The following ZNF765 variants were observed in gnomAD, a reference collection of about 807,000 sequenced individuals.
The protein encoded by ZNF765 is zinc finger protein 765.
In ZNF765, 37 loss-of-function variants were observed where a neutral mutation model predicts 44.7. The ratio of observed to expected loss-of-function variants is 0.83; its 90% confidence interval spans 0.64 to 1.09. The LOEUF is 1.09. Among genes scored for constraint, ZNF765 ranks in the 50% least tolerant of loss-of-function variants. The probability of loss-of-function intolerance (pLI) is 0.00; values close to 1 mark genes in which losing one functional copy is unlikely to be tolerated. For missense variants in ZNF765, 594 were observed against 626.1 expected (o/e 0.95, Z 0.55); for synonymous variants, 201 against 213.7 (o/e 0.94, Z 0.52).
At chr19:53,404,260 G>C (rs2085755205) in intron 3 of ZNF765, among the ~76,000 whole-genome samples, 1 of 151,968 alleles carries the variant, frequency 6.6e-6, no homozygotes, top group Non-Finnish European at 1.5e-5. Context: ...TATTTTAGTA[G>C]ACACAGGCTT....
At position 53,408,720 on chromosome 19, in the gene ZNF765, A is replaced by C. The variant is rs10425136; in HGVS notation, c.1165A>C (p.Ser389Arg). ...GAAACCTTACAAGTGTAATGAGTGT[A>C]GCAAGACCTTTAGTCACAAGTCATC... ...GEKPYKCNEC[S>R]KTFSHKSSLT... Residue 389 changes from serine to arginine, a missense_variant, in exon 4 of 4, where the codon AGC becomes CGC. Ser to Arg is a moderately radical substitution (Grantham distance 110). Transcript: ENST00000396408. 2 of 1,613,196 alleles carry C rather than the reference A, an allele frequency of 1.2e-6. No individual in the cohort carries two copies. The highest frequency in any genetic ancestry group is 8.5e-7 in the Non-Finnish European group (1 of 1,179,694).
At chr19:53,401,804 A>G in intron 2 of ZNF765, 1 of 817,644 alleles carries the variant, frequency 1.2e-6, no homozygotes, top group Non-Finnish European at 1.9e-6. Flanking sequence ...TGATCCTGGG[A>G]CTTGGAGGTT....
chr19:53,414,259 CT>C (rs2085856336), downstream of ZNF765, among the ~76,000 whole-genome samples: 1 of 60,132 alleles, frequency 1.7e-5, no homozygotes. Flanking sequence ...AAAAAAGAAA[CT>C]TGCAGCAAAC....
intron 3 of ZNF765, among the ~76,000 whole-genome samples, chr19:53,407,177 T>G (rs563038369): frequency 7.2e-5 from 11 of 152,276 alleles, no homozygotes; most frequent in African/African-American, 2.6e-4. Context: ...TAAAAAAGAT[T>G]AAAAATTACA....
Position 53,409,856 on chromosome 19 carries a change from G to A in ZNF765, c.*729G>A. 1.5e-6 allele frequency: 1 copy of A among 668,162 alleles called. No individual in the cohort carries two copies. The highest frequency in any genetic ancestry group is 2.9e-6 in the Non-Finnish European group (1 of 349,538). The allele number at this position is 668,162 out of a possible 1,614,324, so 41.4% of individuals were successfully genotyped here. Reference sequence around the variant, plus strand: ...GCACCATCGTAGACTTCATACTGGAGAGGTACCTTACAAGGATAATGAGTG... The same window carrying A: ...GCACCATCGTAGACTTCATACTGGAAAGGTACCTTACAAGGATAATGAGTG... On this transcript the variant is annotated 3_prime_UTR_variant, in exon 4 of 4. Transcript: ENST00000396408.
intron 3 of ZNF765, among the ~76,000 whole-genome samples, chr19:53,402,861 T>G (rs1479111327): frequency 1.3e-5 from 2 of 152,134 alleles, no homozygotes; most frequent in Non-Finnish European, 2.9e-5. Flanking sequence ...TACCTAATTA[T>G]TGGCTTTTAT....
rs562891812 is a variant in ZNF765, at chr19:53,422,665, C to G, written c.143-397C>G. ...TCTTGCCTCACTGCAGCCTCAACCTCCTGAGTTCAAGGGATCCTCCTACCT... is the reference window on the plus strand; with the variant it reads ...TCTTGCCTCACTGCAGCCTCAACCTGCTGAGTTCAAGGGATCCTCCTACCT... On this transcript the variant is annotated intron_variant, in intron 3 of 3. Coordinates refer to the ZNF765 transcript ENST00000594030. Among the ~76,000 whole-genome samples, 124 of 152,264 alleles carry G rather than the reference C, an allele frequency of 8.1e-4. 2 individuals carry two copies. In the Middle Eastern group the frequency reaches 0.01, roughly 13 times the overall value.
intron 3 of ZNF765, 36 bp downstream of exon 3, chr19:53,402,227 C>A: frequency 6.6e-7 from 1 of 1,510,574 alleles, no homozygotes; most frequent in Non-Finnish European, 8.9e-7. Context: ...TGTGCCCTTG[C>A]GTATCTTTGT....
intron 2 of ZNF765, among the ~76,000 whole-genome samples, chr19:53,399,364 C>G (rs1352065789): frequency 6.6e-6 from 1 of 151,918 alleles, no homozygotes; most frequent in Non-Finnish European, 1.5e-5. Context: ...AGGCATCTCC[C>G]TTCCCTGTTA....
chr19:53,413,352 G>A, downstream of ZNF765: 1 of 577,694 alleles, frequency 1.7e-6, no homozygotes, highest in South Asian at 1.4e-5. Flanking sequence ...ATAAGGAATT[G>A]CACGTGAGAT....
In ZNF765 at chr19:53,408,619, A is replaced by T. The variant is rs985057950; in HGVS notation, c.1064A>T (p.Tyr355Phe). Residue 355 changes from tyrosine to phenylalanine, a missense_variant, in exon 4 of 4, where the codon TAC (tyrosine) becomes TTC (phenylalanine). Physicochemically the swap from Tyr to Phe is conservative, Grantham distance 22. Coordinates refer to ENST00000396408, the MANE Select transcript of ZNF765 (RefSeq NM_001040185.3). ...AGGCTTCATACTGGAGAGAAACCTT[A>T]CAAGTGTAATGAGTGTGGCAAGACC... ...HRRLHTGEKP[Y>F]KCNECGKTFS... is the part of the protein sequence containing the mutation. The T allele has an allele frequency of 4.0e-5, 64 of 1,614,014 alleles. No individual in the cohort carries two copies. Among genetic ancestry groups the T allele is most frequent in the Non-Finnish European group, 5.3e-5 (63 of 1,180,012 alleles).
Position 53,411,860 on chromosome 19 carries a change from T to C in ZNF765, c.*2733T>C, listed in dbSNP as rs1443319596. The stretch of plus-strand genomic sequence containing the variant: ...TGTTTGTTGTTAAAAGTATGGAAAT[T>C]CAACTAATTTTTGGTGCTGATACTG... On this transcript the variant is annotated 3_prime_UTR_variant, in exon 4 of 4. Coordinates refer to ENST00000396408, the MANE Select transcript of ZNF765 (RefSeq NM_001040185.3). 6.6e-6 allele frequency: 1 copy of C among 152,248 alleles called. No individual in the cohort carries two copies. Among genetic ancestry groups the C allele is most frequent in the East Asian group, 1.9e-4 (1 of 5,192 alleles). The allele number at this position is 152,248 out of a possible 1,614,324, so 9.4% of individuals were successfully genotyped here.
In ZNF765 at chr19:53,410,843, G is replaced by T. The variant is rs756435691; in HGVS notation, c.*1716G>T. On this transcript the variant is annotated 3_prime_UTR_variant, in exon 4 of 4. Transcript: ENST00000396408. ...TTCATACAGGAGAGAAACCTCACAA[G>T]TGTGATGATTGCGGCAAAGCCTTTA... 8.4e-5 allele frequency: 40 copies of T among 478,118 alleles called. No individual in the cohort carries two copies. Among genetic ancestry groups the T allele is most frequent in the Admixed American group, 2.3e-5 (1 of 43,618 alleles). 29.6% of individuals were successfully genotyped at this position (478,118 alleles called of 1,614,324 possible).
chr19:53,403,626 C>T (rs1453329168), intron 3 of ZNF765, among the ~76,000 whole-genome samples: 1 of 152,162 alleles, frequency 6.6e-6, no homozygotes, highest in Non-Finnish European at 1.5e-5. Context: ...GGCAAATCAC[C>T]TGAGGTCAGG....
intron 2 of ZNF765, among the ~76,000 whole-genome samples, chr19:53,400,370 G>T (rs1350518067): frequency 6.6e-6 from 1 of 152,076 alleles, no homozygotes; most frequent in African/African-American, 2.4e-5. Context: ...GGCTGCCTCT[G>T]TGCACACCCG....
chr19:53,416,232 A>G (rs566674442), downstream of ZNF765, among the ~76,000 whole-genome samples: 10 of 152,120 alleles, frequency 6.6e-5, no homozygotes, highest in Non-Finnish European at 1.5e-5. Flanking sequence ...GGCATTACAC[A>G]CAGTTTTTTC....
At chr19:53,412,708 A>G (rs1190425412), downstream of ZNF765, among the ~76,000 whole-genome samples, 1 of 152,096 alleles carries the variant, frequency 6.6e-6, no homozygotes, top group Non-Finnish European at 1.5e-5. Flanking sequence ...TTTAGTAGAG[A>G]TGGGGTTTCA....
chr19:53,402,288 G>C (rs1421933341), intron 3 of ZNF765, 97 bp downstream of exon 3: 2 of 1,491,216 alleles, frequency 1.3e-6, no homozygotes, highest in East Asian at 4.8e-5. Flanking sequence ...ATGGAGTCTC[G>C]CTCTGTCGCC....
intron 3 of ZNF765, among the ~76,000 whole-genome samples, chr19:53,417,787 T>C (rs1403986976): frequency 1.3e-5 from 2 of 152,194 alleles, no homozygotes; most frequent in Admixed American, 6.5e-5. Flanking sequence ...AAAATCCTTC[T>C]TAGGTACTTT....
Sources: allele counts gnomAD v4.1 joint callset (sites outside exome capture counted in the v4.1 genomes callset), GRCh38; gene constraint gnomAD v4.1.1; transcripts MANE v1.5; gene names NCBI Gene and HGNC (gene_info 2026-07-23, HGNC 2026-07-21).